Variants in DIAPH2 observed in about 807,000 individuals in gnomAD.
DIAPH2 encodes diaphanous related formin 2.
Under a neutral mutation model 92.7 loss-of-function variants are expected in DIAPH2, and 35 were observed. The observed-to-expected ratio is 0.38, with a 90% CI of 0.29 to 0.50. The LOEUF (loss-of-function observed/expected upper bound fraction) is 0.50, where lower values mean the gene tolerates loss of function less well. DIAPH2 is among the 20% of genes least tolerant of loss of function. The probability of loss-of-function intolerance (pLI) is 0.94; values close to 1 mark genes in which losing one functional copy is unlikely to be tolerated. For missense variants in DIAPH2, 701 were observed against 819.5 expected (o/e 0.86, Z 1.77); for synonymous variants, 301 against 280.4 (o/e 1.07, Z -0.73).
intron 23 of DIAPH2, among the ~76,000 whole-genome samples, chrX:97,319,391 CTTT>C (rs757762768): frequency 3.0e-5 from 3 of 101,434 alleles, no homozygotes; most frequent in Non-Finnish European, 4.0e-5. Flanking sequence ...TAAAATTCCC[CTTT>C]TTTTTTTTTT....
chrX:97,201,141 C>CCCCA (rs1556000971), intron 22 of DIAPH2, among the ~76,000 whole-genome samples: 6 of 92,290 alleles, frequency 6.5e-5, no homozygotes, highest in African/African-American at 1.6e-4. Context: ...ACCCCCCCCC[C>CCCCA]AAAAAAAACC....
intron 4 of DIAPH2, among the ~76,000 whole-genome samples, chrX:96,837,429 CTCTCTGTGTGTGTG>C (rs1215148038): frequency 5.1e-5 from 2 of 39,103 alleles, no homozygotes; most frequent in East Asian, 2.2e-3. Flanking sequence ...CTCTCTCTCT[CTCTCTGTGTGTGTG>C]TGTGTGTGTG....
intron 26 of DIAPH2, among the ~76,000 whole-genome samples, chrX:97,584,234 A>T (rs767588196): frequency 8.9e-6 from 1 of 112,466 alleles, no homozygotes; most frequent in East Asian, 2.8e-4. Context: ...ACTAGAAAGG[A>T]AGAAAGCCTG....
chrX:96,781,371 C>T (rs192606554), intron 4 of DIAPH2, among the ~76,000 whole-genome samples: 65 of 111,342 alleles, frequency 5.8e-4, no homozygotes, highest in Admixed American at 4.5e-3. Context: ...TAAAGTTTAA[C>T]CACAAGTTTT....
chrX:96,993,942 A>AG (rs1384720362), intron 17 of DIAPH2, among the ~76,000 whole-genome samples: 4 of 111,512 alleles, frequency 3.6e-5, no homozygotes, highest in African/African-American at 1.3e-4. Flanking sequence ...ATGGGGAGTA[A>AG]GGCATGGAAT....
chrX:97,474,622 C>T (rs2070589560), intron 26 of DIAPH2, among the ~76,000 whole-genome samples: 1 of 110,370 alleles, frequency 9.1e-6, no homozygotes, highest in African/African-American at 3.3e-5. Flanking sequence ...AAACATTAGC[C>T]GGGTGTGGTG....
intron 22 of DIAPH2, among the ~76,000 whole-genome samples, chrX:97,179,314 T>C (rs1417579867): frequency 9.3e-6 from 1 of 107,365 alleles, no homozygotes; most frequent in Non-Finnish European, 1.9e-5. Flanking sequence ...TAGGTATACA[T>C]GTGCCATGGT....
chrX:96,892,441 C>T (rs2065313743), intron 5 of DIAPH2, among the ~76,000 whole-genome samples: 1 of 111,760 alleles, frequency 8.9e-6, no homozygotes, highest in Admixed American at 9.5e-5. Flanking sequence ...ATGGTAAACT[C>T]ATTGCAGTTG....
intron 22 of DIAPH2, among the ~76,000 whole-genome samples, chrX:97,217,818 C>T (rs994256860): frequency 9.1e-5 from 10 of 110,002 alleles, no homozygotes; most frequent in Non-Finnish European, 1.9e-4. Context: ...TGGTGGCAAG[C>T]GCCTGTAGTC....
intron 3 of DIAPH2, among the ~76,000 whole-genome samples, chrX:96,748,046 A>G (rs2064161177): frequency 8.9e-6 from 1 of 112,121 alleles, no homozygotes; most frequent in Admixed American, 9.5e-5. Flanking sequence ...AGCTTATAAA[A>G]GAGGAGCAAA....
chrX:97,281,842 A>G (rs774671645), intron 23 of DIAPH2, among the ~76,000 whole-genome samples: 1 of 111,722 alleles, frequency 9.0e-6, no homozygotes, highest in East Asian at 2.8e-4. Context: ...GAAAAATTGT[A>G]TAATGTAAAG....
chrX:97,473,778 T>A (rs1439912523), intron 26 of DIAPH2, among the ~76,000 whole-genome samples: 4 of 111,295 alleles, frequency 3.6e-5, no homozygotes, highest in African/African-American at 1.3e-4. Context: ...CTGGCCAACA[T>A]GGTGAAACCT....
intron 22 of DIAPH2, among the ~76,000 whole-genome samples, chrX:97,227,184 A>T (rs2067971968): frequency 9.0e-6 from 1 of 111,056 alleles, no homozygotes; most frequent in Middle Eastern, 4.2e-3. Flanking sequence ...CTGAGGCAGG[A>T]GAATTGCTTG....
chrX:96,785,194 G>A (rs904354314), intron 4 of DIAPH2, among the ~76,000 whole-genome samples: 2 of 111,652 alleles, frequency 1.8e-5, no homozygotes, highest in Admixed American at 1.9e-4. Flanking sequence ...CTATTGGAGA[G>A]ACTGAATAGA....
chrX:97,477,032 C>T (rs957061931), intron 26 of DIAPH2, among the ~76,000 whole-genome samples: 10 of 99,434 alleles, frequency 1.0e-4, no homozygotes, highest in Non-Finnish European at 1.6e-4. Flanking sequence ...CACATACACA[C>T]ACACATCCTT....
Position 96,836,712 on chromosome X carries a change from TA to T in DIAPH2, c.448-44866del, listed in dbSNP as rs1569409252. Among the ~76,000 whole-genome samples the T allele has an allele frequency of 9.5e-3, 243 of 25,495 alleles. 1 individual carries two copies. The highest frequency in any genetic ancestry group is 0.014 in the East Asian group (9 of 662). The allele number at this position is 25,495 out of a possible 115,157, so 22.1% of individuals were successfully genotyped here. ...ATATATATATATATATATATATATATATATATTTTTTTTTTTTTTTTTTTTT... is the reference window on the plus strand; with the variant it reads ...ATATATATATATATATATATATATATTATATTTTTTTTTTTTTTTTTTTTT... On this transcript the variant is annotated intron_variant, in intron 4 of 26. Coordinates refer to ENST00000324765, the MANE Select transcript of DIAPH2 (RefSeq NM_006729.5).
chrX:97,568,149 G>A (rs1290216619), intron 26 of DIAPH2, among the ~76,000 whole-genome samples: 1 of 101,016 alleles, frequency 9.9e-6, no homozygotes, highest in Non-Finnish European at 2.0e-5. Context: ...AGAGTGGTTG[G>A]AAATTTTGAT....
intron 20 of DIAPH2, among the ~76,000 whole-genome samples, chrX:97,112,765 C>CTTTTTTTTTTTTTTTTTTTTT (rs60721723): frequency 5.4e-5 from 2 of 37,245 alleles, no homozygotes; most frequent in African/African-American, 2.4e-4. Context: ...CCCTTTCTTT[C>CTTTTTTTTTTTTTTTTTTTTT]TTTTTTTTTT....
At chrX:96,742,412 G>C (rs191922180) in intron 3 of DIAPH2, among the ~76,000 whole-genome samples, 1 of 111,506 alleles carries the variant, frequency 9.0e-6, no homozygotes, top group Admixed American at 9.5e-5. Flanking sequence ...AGCACAGAAA[G>C]ATTATTCATT....
Sources: allele counts gnomAD v4.1 joint callset (sites outside exome capture counted in the v4.1 genomes callset), GRCh38; gene constraint gnomAD v4.1.1; transcripts MANE v1.5; gene names NCBI Gene and HGNC (gene_info 2026-07-23, HGNC 2026-07-21).